MAP3K13: variants seen among roughly 807,000 people sequenced by gnomAD.
The protein encoded by MAP3K13 is leucine zipper-bearing kinase.
In MAP3K13, 52 loss-of-function variants were observed where a neutral mutation model predicts 104.0. The observed-to-expected ratio is 0.50, with a 90% confidence interval of 0.40 to 0.63. The LOEUF is 0.63. Among genes scored for constraint, MAP3K13 ranks in the 20% least tolerant of loss-of-function variants. The pLI is 0.00. For synonymous variants in MAP3K13, 394 were observed against 442.2 expected, an observed-to-expected ratio of 0.89 and a Z score of 1.37; for missense variants, 914 against 1,218.5, an observed-to-expected ratio of 0.75 and a Z score of 3.72.
At chr3:185,454,674 T>C (rs1258445602) in intron 7 of MAP3K13, among the ~76,000 whole-genome samples, 1 of 98,632 alleles carries the variant, frequency 1.0e-5, no homozygotes, top group African/African-American at 4.0e-5. Context: ...ATATATGAGA[T>C]ATTTATATGA....
chr3:185,447,498 A>T (rs1420399620), intron 4 of MAP3K13, among the ~76,000 whole-genome samples: 1 of 142,238 alleles, frequency 7.0e-6, no homozygotes, highest in Non-Finnish European at 1.5e-5. Context: ...CTGTCTCAAA[A>T]AAAAAAAAAA....
intron 1 of MAP3K13, among the ~76,000 whole-genome samples, chr3:185,411,799 T>G (rs75736161): frequency 6.6e-6 from 1 of 150,448 alleles, no homozygotes; most frequent in Non-Finnish European, 1.5e-5. Context: ...TTTTTTTTTT[T>G]TTTGAGACAG....
intron 2 of MAP3K13, among the ~76,000 whole-genome samples, chr3:185,306,858 G>A (rs1721301859): frequency 6.6e-6 from 1 of 152,076 alleles, no homozygotes; most frequent in South Asian, 2.1e-4. Context: ...GCTTTACCAA[G>A]GCTAATGTCC....
chr3:185,329,893 CTTTTTTTT>C (rs71162293), intron 2 of MAP3K13, among the ~76,000 whole-genome samples: 6 of 104,662 alleles, frequency 5.7e-5, no homozygotes, highest in Admixed American at 1.2e-4. Context: ...AGCCAGTAGC[CTTTTTTTT>C]TTTTTTTTTT....
chr3:185,331,733 C>T (rs1032820697), intron 2 of MAP3K13, among the ~76,000 whole-genome samples: 4 of 152,184 alleles, frequency 2.6e-5, no homozygotes, highest in African/African-American at 9.7e-5. Context: ...ACTTCCCACT[C>T]CAGCCAGTTC....
chr3:185,427,124 A>G (rs1577544384), intron 1 of MAP3K13, among the ~76,000 whole-genome samples: 1 of 152,104 alleles, frequency 6.6e-6, no homozygotes, highest in African/African-American at 2.4e-5. Context: ...AGGCAAAGGC[A>G]GGTGGATCAC....
intron 1 of MAP3K13, among the ~76,000 whole-genome samples, chr3:185,410,074 C>T (rs560125022): frequency 1.2e-4 from 19 of 152,152 alleles, no homozygotes; most frequent in Non-Finnish European, 1.9e-4. Context: ...GAGAATCTAA[C>T]GCTGCTGCTG....
chr3:185,454,725 G>C (rs755759402), intron 7 of MAP3K13, among the ~76,000 whole-genome samples: 431 of 20,312 alleles, frequency 0.021, 168 homozygotes, highest in Non-Finnish European at 0.062. Flanking sequence ...AGATATATAT[G>C]ATATATATGA....
At chr3:185,440,882 A>G (rs1236882500) in intron 3 of MAP3K13, among the ~76,000 whole-genome samples, 1 of 152,238 alleles carries the variant, frequency 6.6e-6, no homozygotes, top group Non-Finnish European at 1.5e-5. Flanking sequence ...CCCATAAGCG[A>G]TAAGACATAG....
At chr3:185,356,892 ATG>A (rs1479376962) in intron 2 of MAP3K13, among the ~76,000 whole-genome samples, 9 of 152,066 alleles carry the variant, frequency 5.9e-5, no homozygotes, top group African/African-American at 2.2e-4. Flanking sequence ...GTATGTATGT[ATG>A]TATGTATGTA....
chr3:185,333,782 G>C (rs1241518418), intron 2 of MAP3K13, among the ~76,000 whole-genome samples: 1 of 152,144 alleles, frequency 6.6e-6, no homozygotes, highest in African/African-American at 2.4e-5. Context: ...GGCTGGGTGT[G>C]GTGGCCCATG....
intron 1 of MAP3K13, among the ~76,000 whole-genome samples, chr3:185,404,579 T>C (rs1010879925): frequency 1.1e-4 from 16 of 152,126 alleles, no homozygotes; most frequent in South Asian, 6.2e-4. Flanking sequence ...TGGTTTAATT[T>C]TTTAAAAATT....
chr3:185,359,407 T>A (rs1223368427), upstream of MAP3K13, among the ~76,000 whole-genome samples: 1 of 152,124 alleles, frequency 6.6e-6, no homozygotes, highest in Non-Finnish European at 1.5e-5. Flanking sequence ...CCAAACCATA[T>A]CAGATCTGTT....
At chr3:185,302,803 T>C (rs1263166431) in intron 2 of MAP3K13, among the ~76,000 whole-genome samples, 2 of 152,346 alleles carry the variant, frequency 1.3e-5, no homozygotes, top group East Asian at 3.9e-4. Flanking sequence ...TACTTCTTTC[T>C]TTCCAATTTA....
intron 1 of MAP3K13, among the ~76,000 whole-genome samples, chr3:185,398,312 G>A (rs1209316407): frequency 6.6e-6 from 1 of 152,052 alleles, no homozygotes; most frequent in African/African-American, 2.4e-5. Flanking sequence ...TTTATCAGAT[G>A]CACCAGAAAG....
At chr3:185,388,227 C>A (rs1327633889) in intron 1 of MAP3K13, among the ~76,000 whole-genome samples, 1 of 151,976 alleles carries the variant, frequency 6.6e-6, no homozygotes. Flanking sequence ...AGAGGCCAGG[C>A]ACCATAACTT....
intron 1 of MAP3K13, among the ~76,000 whole-genome samples, chr3:185,381,195 C>G (rs1724703979): frequency 6.6e-6 from 1 of 152,118 alleles, no homozygotes; most frequent in Non-Finnish European, 1.5e-5. Flanking sequence ...ACTCCTGACT[C>G]AAGTGATGCA....
chr3:185,294,096 A>T (rs888276855), intron 2 of MAP3K13, among the ~76,000 whole-genome samples: 6 of 152,200 alleles, frequency 3.9e-5, no homozygotes, highest in Admixed American at 3.3e-4. Context: ...GAGAGAGGCT[A>T]TCGAGAATGT....
At chr3:185,325,032 T>C (rs1414508542) in intron 2 of MAP3K13, among the ~76,000 whole-genome samples, 3 of 152,252 alleles carry the variant, frequency 2.0e-5, no homozygotes, top group African/African-American at 7.2e-5. Context: ...ACTAAAGGTC[T>C]CTAATAACAT....
Sources: allele counts gnomAD v4.1 joint callset (sites outside exome capture counted in the v4.1 genomes callset), GRCh38; gene constraint gnomAD v4.1.1; transcripts MANE v1.5; gene names NCBI Gene and HGNC (gene_info 2026-07-23, HGNC 2026-07-21).